HDAC9: variants seen among roughly 807,000 people sequenced by gnomAD.
The protein encoded by HDAC9 is histone deacetylase 9, also known as MEF-2 interacting transcription repressor (MITR) protein.
Under a neutral mutation model 139.4 loss-of-function variants are expected in HDAC9, and 41 were observed. That is an observed-to-expected ratio of 0.29 (90% CI 0.23 to 0.38). The LOEUF (loss-of-function observed/expected upper bound fraction) is 0.38, where lower values mean the gene tolerates loss of function less well. HDAC9 is among the 10% of genes least tolerant of loss of function. The pLI, the probability that HDAC9 is intolerant of heterozygous loss-of-function variation, is 1.00. For missense variants in HDAC9, 1,147 were observed against 1,297.0 expected (o/e 0.88, Z 1.78); for synonymous variants, 517 against 476.2 (o/e 1.09, Z -1.12).
intron 2 of HDAC9, among the ~76,000 whole-genome samples, chr7:18,528,266 TA>T (rs1427797164): frequency 2.0e-5 from 3 of 149,614 alleles, no homozygotes; most frequent in African/African-American, 7.6e-5. Context: ...TTTTTTTTTT[TA>T]AATTAGGTCG....
At chr7:18,385,008 G>A (rs1785785982) in intron 1 of HDAC9, among the ~76,000 whole-genome samples, 2 of 152,300 alleles carry the variant, frequency 1.3e-5, no homozygotes, top group South Asian at 2.1e-4. Flanking sequence ...TTTTGCAAAT[G>A]TGAGACTCTG....
At chr7:18,598,314 C>T (rs1833019545) in intron 6 of HDAC9, among the ~76,000 whole-genome samples, 1 of 152,038 alleles carries the variant, frequency 6.6e-6, no homozygotes, top group Non-Finnish European at 1.5e-5. Context: ...TAGCTTAGTA[C>T]TCTATCTTGG....
At chr7:18,975,683 A>G in intron 24 of HDAC9, 123 bp from the exon 25 acceptor site, 3 of 898,826 alleles carry the variant, frequency 3.3e-6, no homozygotes, top group Non-Finnish European at 5.1e-6. Flanking sequence ...AAACCAAATT[A>G]CAACTGTGTA....
At chr7:18,631,123 T>A (rs1432533520) in intron 7 of HDAC9, among the ~76,000 whole-genome samples, 2 of 152,112 alleles carry the variant, frequency 1.3e-5, no homozygotes, top group African/African-American at 4.8e-5. Flanking sequence ...CAGTGGCATT[T>A]AGCTCAATAC....
intron 2 of HDAC9, among the ~76,000 whole-genome samples, chr7:18,186,302 G>A (rs548087310): frequency 1.3e-5 from 2 of 152,168 alleles, no homozygotes; most frequent in Non-Finnish European, 1.5e-5. Context: ...TTCTTTACAG[G>A]GACGTTTTCC....
Position 18,300,947 on chromosome 7 carries a change from C to T in HDAC9, c.-42+10432C>T, listed in dbSNP as rs976548656. 6.6e-5 allele frequency among the ~76,000 whole-genome samples: 10 copies of T among 152,094 alleles called. No individual in the cohort carries two copies. In the South Asian group the frequency reaches 1.9e-3, roughly 28 times the overall value. On this transcript the variant is annotated intron_variant, in intron 1 of 3. Transcript: ENST00000413509. ...ATAATAAGGGAGAGCTCACACTATTCCTCATGAATCATGCTGAGAAAACTC... is the reference window on the plus strand; with the variant it reads ...ATAATAAGGGAGAGCTCACACTATTTCTCATGAATCATGCTGAGAAAACTC...
At chr7:18,665,438 A>G (rs1249190735) in intron 11 of HDAC9, among the ~76,000 whole-genome samples, 2 of 152,174 alleles carry the variant, frequency 1.3e-5, no homozygotes, top group Non-Finnish European at 2.9e-5. Flanking sequence ...ATTGTCAGTT[A>G]TCTTTTAAAA....
chr7:18,118,067 T>C (rs1326409880), intron 1 of HDAC9, among the ~76,000 whole-genome samples: 2 of 152,206 alleles, frequency 1.3e-5, no homozygotes, highest in Non-Finnish European at 2.9e-5. Flanking sequence ...TGAGTAATAA[T>C]AACAACCAAC....
intron 1 of HDAC9, among the ~76,000 whole-genome samples, chr7:18,295,787 AT>A (rs1167343456): frequency 2.0e-5 from 3 of 152,108 alleles, no homozygotes; most frequent in Non-Finnish European, 4.4e-5. Context: ...GTCTAGAGAT[AT>A]TTTTGATTAT....
intron 1 of HDAC9, among the ~76,000 whole-genome samples, chr7:18,387,119 C>T (rs1786010892): frequency 6.6e-6 from 1 of 152,180 alleles, no homozygotes; most frequent in African/African-American, 2.4e-5. Context: ...AGAGTATCTC[C>T]TGCTCAAAGA....
intron 1 of HDAC9, among the ~76,000 whole-genome samples, chr7:18,101,647 A>G (rs1782868037): frequency 1.3e-5 from 2 of 152,164 alleles, no homozygotes; most frequent in South Asian, 2.1e-4. Context: ...ATTTTCTTTA[A>G]TTAACATTTT....
intron 22 of HDAC9, among the ~76,000 whole-genome samples, chr7:18,893,418 G>C (rs1340199022): frequency 6.6e-6 from 1 of 152,114 alleles, no homozygotes; most frequent in Non-Finnish European, 1.5e-5. Context: ...CAATTCACAG[G>C]TATACATCAG....
At chr7:18,704,668 A>G (rs1431460247) in intron 12 of HDAC9, among the ~76,000 whole-genome samples, 2 of 152,192 alleles carry the variant, frequency 1.3e-5, no homozygotes, top group Non-Finnish European at 2.9e-5. Context: ...GTTTAAACAT[A>G]CTGCTGATTT....
At chr7:18,976,504 G>T (rs1784560302) in intron 25 of HDAC9, among the ~76,000 whole-genome samples, 1 of 152,214 alleles carries the variant, frequency 6.6e-6, no homozygotes, top group African/African-American at 2.4e-5. Context: ...GTAAAGGACT[G>T]TGTGAACTTG....
In HDAC9 at chr7:19,000,518, C is replaced by T. The variant is rs183890941; in HGVS notation, c.*4456C>T. On this transcript the variant is annotated 3_prime_UTR_variant, in exon 26 of 26. Coordinates refer to ENST00000686413, the MANE Select transcript of HDAC9 (RefSeq NM_178425.4). ...TAGTTTCTCCAAATCAACTGCAGTC[C>T]GTTTTATCTATGATATTCCTGGCTT... 1.5e-3 allele frequency: 229 copies of T among 152,228 alleles called. No individual in the cohort carries two copies. Among genetic ancestry groups the T allele is most frequent in the African/African-American group, 5.3e-3 (222 of 41,548 alleles). 9.4% of individuals were successfully genotyped at this position (152,228 alleles called of 1,614,324 possible).
chr7:18,332,838 T>A (rs1378085936), intron 1 of HDAC9, among the ~76,000 whole-genome samples: 1 of 151,548 alleles, frequency 6.6e-6, no homozygotes, highest in East Asian at 1.9e-4. Flanking sequence ...ACATACACCT[T>A]ACGGCACTGG....
intron 2 of HDAC9, among the ~76,000 whole-genome samples, chr7:18,171,160 C>T (rs1362926261): frequency 6.6e-6 from 1 of 152,178 alleles, no homozygotes; most frequent in Non-Finnish European, 1.5e-5. Context: ...GAGGTCCTCA[C>T]ATCCCTTGTA....
intron 1 of HDAC9, among the ~76,000 whole-genome samples, chr7:18,437,485 G>A (rs965805590): frequency 1.3e-5 from 2 of 151,302 alleles, no homozygotes; most frequent in African/African-American, 4.9e-5. Context: ...AGTCATAAGG[G>A]AAAAAGATTG....
intron 2 of HDAC9, among the ~76,000 whole-genome samples, chr7:18,170,877 C>T (rs141481036): frequency 0.045 from 6,907 of 152,146 alleles, 170 homozygotes; most frequent in Non-Finnish European, 0.058. Context: ...AGTCAGGTAG[C>T]GTGATGCCTC....
Sources: allele counts gnomAD v4.1 joint callset (sites outside exome capture counted in the v4.1 genomes callset), GRCh38; gene constraint gnomAD v4.1.1; transcripts MANE v1.5; gene names NCBI Gene and HGNC (gene_info 2026-07-23, HGNC 2026-07-21).